Variants in ZNF722 observed in about 807,000 individuals in gnomAD.
ZNF722 encodes zinc finger protein 722.
At chr7:64,002,202 A>G in the ZNF722 span, among the ~76,000 whole-genome samples, 1 of 151,962 alleles carries the variant, frequency 6.6e-6, no homozygotes, top group Non-Finnish European at 1.5e-5. Flanking sequence ...TTATGTCTCG[A>G]CGTTCTTCAT....
the ZNF722 span, among the ~76,000 whole-genome samples, chr7:64,000,128 T>TCTG: frequency 1.1e-5 from 1 of 89,412 alleles, no homozygotes; most frequent in Non-Finnish European, 2.6e-5. Context: ...ACTTTTTTTT[T>TCTG]TTTTTGTGTG....
the ZNF722 span, chr7:63,999,101 A>G: frequency 7.5e-7 from 1 of 1,339,330 alleles, no homozygotes; most frequent in Non-Finnish European, 1.1e-6. Context: ...TCAGCTCTGG[A>G]GTCTGAGGAC....
the ZNF722 span, among the ~76,000 whole-genome samples, chr7:64,009,085 CATTGGTTTTGTAT>C: frequency 4.2e-3 from 645 of 152,276 alleles, 4 homozygotes; most frequent in Non-Finnish European, 5.7e-3. Flanking sequence ...GATTTTTGCA[CATTGGTTTTGTAT>C]CTTGAGACTT....
At chr7:64,010,724 C>G in the ZNF722 span, among the ~76,000 whole-genome samples, 1 of 152,064 alleles carries the variant, frequency 6.6e-6, no homozygotes, top group Non-Finnish European at 1.5e-5. Context: ...CATTCCGTTG[C>G]TTTTGTGTGG....
the ZNF722 span, among the ~76,000 whole-genome samples, chr7:64,007,373 T>C: frequency 6.6e-6 from 1 of 152,174 alleles, no homozygotes; most frequent in Middle Eastern, 3.4e-3. Flanking sequence ...GTATTTCTCC[T>C]AATGCTATCC....
the ZNF722 span, among the ~76,000 whole-genome samples, chr7:64,006,547 G>C: frequency 1.3e-5 from 2 of 152,178 alleles, no homozygotes; most frequent in East Asian, 3.8e-4. Flanking sequence ...CAAGTTCACA[G>C]TGTGAGCCAG....
chr7:64,013,990 T>C, the ZNF722 span, among the ~76,000 whole-genome samples: 1 of 152,100 alleles, frequency 6.6e-6, no homozygotes, highest in South Asian at 2.1e-4. Context: ...TGTTGACAAA[T>C]TCACTGGTTG....
At chr7:64,016,423 G>C in the ZNF722 span, among the ~76,000 whole-genome samples, 1 of 151,556 alleles carries the variant, frequency 6.6e-6, no homozygotes, top group African/African-American at 2.4e-5. Context: ...TTATATTAGA[G>C]ATACCCTAGA....
chr7:64,002,991 T>C, the ZNF722 span, among the ~76,000 whole-genome samples: 1 of 152,238 alleles, frequency 6.6e-6, no homozygotes, highest in Non-Finnish European at 1.5e-5. Context: ...TACAGGGGAC[T>C]TGTTGAAAAA....
chr7:64,005,663 C>T, the ZNF722 span: 8 of 1,423,858 alleles, frequency 5.6e-6, no homozygotes, highest in Non-Finnish European at 6.9e-6. Flanking sequence ...GGAGGAGTGG[C>T]AATGCCTGGA....
chr7:64,005,992 C>T, the ZNF722 span, among the ~76,000 whole-genome samples: 12 of 152,208 alleles, frequency 7.9e-5, no homozygotes, highest in African/African-American at 2.4e-4. Context: ...AATAGCGTTT[C>T]CCACGCCTTA....
At chr7:64,009,876 C>CT in the ZNF722 span, among the ~76,000 whole-genome samples, 2 of 151,272 alleles carry the variant, frequency 1.3e-5, no homozygotes, top group Non-Finnish European at 2.9e-5. Flanking sequence ...TGGTCCTGGA[C>CT]TTTTTTTGGT....
chr7:64,007,779 A>G, the ZNF722 span, among the ~76,000 whole-genome samples: 3 of 152,164 alleles, frequency 2.0e-5, no homozygotes, highest in Non-Finnish European at 4.4e-5. Context: ...CACTGGATCA[A>G]ATGGTATTTC....
the ZNF722 span, among the ~76,000 whole-genome samples, chr7:64,018,066 T>C: frequency 6.6e-6 from 1 of 152,220 alleles, no homozygotes; most frequent in African/African-American, 2.4e-5. Context: ...ATAAAGTTGT[T>C]TTTAATGTGT....
chr7:64,007,572 C>T, the ZNF722 span, among the ~76,000 whole-genome samples: 2 of 152,116 alleles, frequency 1.3e-5, no homozygotes, highest in African/African-American at 4.8e-5. Context: ...CACATGAACT[C>T]ATCCTTTTTT....
chr7:64,010,216 GA>G, the ZNF722 span, among the ~76,000 whole-genome samples: 1 of 152,024 alleles, frequency 6.6e-6, no homozygotes, highest in African/African-American at 2.4e-5. Flanking sequence ...TTGATTTTTT[GA>G]AGGGTTTTTT....
At chr7:64,014,941 C>A in the ZNF722 span, 7 of 1,012,692 alleles carry the variant, frequency 6.9e-6, no homozygotes, top group South Asian at 6.5e-5. Context: ...TGCTAGTGTG[C>A]CTTGTATAAT....
the ZNF722 span, among the ~76,000 whole-genome samples, chr7:64,000,327 C>G: frequency 6.7e-6 from 1 of 148,890 alleles, no homozygotes; most frequent in South Asian, 2.2e-4. Context: ...CGGAGTTTCT[C>G]CATGTTGGTC....
chr7:64,005,299 C>CA, the ZNF722 span, among the ~76,000 whole-genome samples: 2 of 150,178 alleles, frequency 1.3e-5, no homozygotes, highest in African/African-American at 2.5e-5. Flanking sequence ...AACTCGGTCT[C>CA]AAAAAAAAGA....
Sources: allele counts gnomAD v4.1 joint callset (sites outside exome capture counted in the v4.1 genomes callset), GRCh38; gene constraint gnomAD v4.1.1; transcripts MANE v1.5; gene names NCBI Gene and HGNC (gene_info 2026-07-23, HGNC 2026-07-21).